The following PHACTR1 variants were observed in gnomAD, a reference collection of about 807,000 sequenced individuals.
PHACTR1 encodes RPEL repeat containing 1.
Under a neutral mutation model 69.2 loss-of-function variants are expected in PHACTR1, and 16 were observed. That is an observed-to-expected ratio of 0.23 (90% CI 0.16 to 0.35). PHACTR1 has a LOEUF of 0.35. Ranked by LOEUF, PHACTR1 falls within the 10% of genes least tolerant of loss-of-function variation. The probability of loss-of-function intolerance (pLI) is 1.00; values close to 1 mark genes in which losing one functional copy is unlikely to be tolerated. For synonymous variants in PHACTR1, 312 were observed against 284.5 expected (o/e 1.10, Z -0.97); for missense variants, 510 against 734.7 (o/e 0.69, Z 3.54).
At chr6:13,003,484 G>A (rs1156325080) in intron 4 of PHACTR1, among the ~76,000 whole-genome samples, 1 of 152,092 alleles carries the variant, frequency 6.6e-6, no homozygotes, top group Non-Finnish European at 1.5e-5. Context: ...AGTGTAAATA[G>A]ATAGATGGAT....
intron 4 of PHACTR1, among the ~76,000 whole-genome samples, chr6:13,018,957 T>A (rs1800563975): frequency 1.3e-5 from 2 of 152,144 alleles, no homozygotes; most frequent in South Asian, 4.2e-4. Context: ...TGGTTCAGGC[T>A]ATCCTCCCAC....
chr6:12,933,558 TG>T, intron 4 of PHACTR1: 1 of 1,578,170 alleles, frequency 6.3e-7, no homozygotes, highest in South Asian at 1.2e-5. Flanking sequence ...CTCGCCAGGG[TG>T]ATTCTTCTTG....
intron 4 of PHACTR1, among the ~76,000 whole-genome samples, chr6:12,784,486 A>G (rs1235978670): frequency 6.6e-6 from 1 of 151,372 alleles, no homozygotes; most frequent in Admixed American, 6.6e-5. Flanking sequence ...ACACATATAC[A>G]TATACACACA....
intron 5 of PHACTR1, among the ~76,000 whole-genome samples, chr6:13,142,384 G>T (rs1409445064): frequency 6.6e-6 from 1 of 152,180 alleles, no homozygotes; most frequent in African/African-American, 2.4e-5. Context: ...GATTACAGGT[G>T]TGAGCCACCG....
intron 5 of PHACTR1, among the ~76,000 whole-genome samples, chr6:13,080,872 A>C (rs1811271814): frequency 6.6e-6 from 1 of 152,184 alleles, no homozygotes; most frequent in Admixed American, 6.5e-5. Context: ...GTAAAAGAAA[A>C]AAAAAGTTTT....
At chr6:13,154,705 C>T (rs965390897) in intron 5 of PHACTR1, among the ~76,000 whole-genome samples, 5 of 151,842 alleles carry the variant, frequency 3.3e-5, no homozygotes, top group African/African-American at 9.7e-5. Context: ...ACCCTCACAC[C>T]TCGGTTCTCA....
chr6:12,777,241 A>ATT (rs57971928), intron 4 of PHACTR1, among the ~76,000 whole-genome samples: 7,333 of 134,068 alleles, frequency 0.055, 258 homozygotes, highest in Admixed American at 0.086. Context: ...ATATATATAT[A>ATT]TTTTTTTAAT....
At chr6:12,903,663 T>A (rs1157341375) in intron 4 of PHACTR1, among the ~76,000 whole-genome samples, 3 of 152,208 alleles carry the variant, frequency 2.0e-5, no homozygotes, top group Non-Finnish European at 4.4e-5. Flanking sequence ...ATGAGTAAAA[T>A]GGGACTTTAA....
chr6:12,990,349 C>A (rs897106662), intron 4 of PHACTR1, among the ~76,000 whole-genome samples: 4 of 152,212 alleles, frequency 2.6e-5, no homozygotes, highest in African/African-American at 9.6e-5. Context: ...GCCTTGGGCC[C>A]TGTTGAGACT....
chr6:12,717,125 T>C (rs966934976), intron 1 of PHACTR1, among the ~76,000 whole-genome samples: 7 of 152,114 alleles, frequency 4.6e-5, no homozygotes, highest in Non-Finnish European at 1.0e-4. Context: ...CTGTTCTGTG[T>C]ATTAATTATA....
chr6:13,255,722 A>G (rs1775091373), intron 10 of PHACTR1, among the ~76,000 whole-genome samples: 1 of 152,232 alleles, frequency 6.6e-6, no homozygotes, highest in East Asian at 1.9e-4. Flanking sequence ...TTTTGACTCC[A>G]TGTCCCACAT....
In PHACTR1 at chr6:12,957,255, CAAAA is replaced by C. The variant is rs35500368; in HGVS notation, c.251-96093_251-96090del. The C allele has an allele frequency of 7.8e-3, 2,117 of 271,802 alleles. 33 individuals carry two copies. Among genetic ancestry groups the C allele is most frequent in the African/African-American group, 0.058 (1,783 of 30,676 alleles). 16.8% of individuals were successfully genotyped at this position (271,802 alleles called of 1,614,324 possible). On this transcript the variant is annotated intron_variant, in intron 4 of 14. Transcript: ENST00000332995. ...CATGTTAAAAAGCTCAACAAATACT[CAAAA>C]AAAAAAAAAAAAAAAAGCCCAGGCT...
rs1221131715 is a variant in PHACTR1, at chr6:12,749,800, C to T, written c.250+10C>T. 3.2e-6 allele frequency: 5 copies of T among 1,579,622 alleles called. No homozygotes were observed. Among genetic ancestry groups the T allele is most frequent in the Non-Finnish European group, 3.4e-6 (4 of 1,163,586 alleles). ...TTTAACCTGGGGGCAGGTAAGAACG[C>T]CCCTGGCGCCGCGCCCCCGCCCCCG... On this transcript the variant is annotated intron_variant, in intron 4 of 14. Transcript: ENST00000332995.
chr6:12,821,049 G>T (rs1461860086), intron 4 of PHACTR1, among the ~76,000 whole-genome samples: 1 of 152,112 alleles, frequency 6.6e-6, no homozygotes, highest in Admixed American at 6.5e-5. Context: ...TTTCAGGAAG[G>T]ACCTTTAGTT....
chr6:12,757,675 A>T (rs992959158), intron 4 of PHACTR1, among the ~76,000 whole-genome samples: 1 of 152,156 alleles, frequency 6.6e-6, no homozygotes, highest in African/African-American at 2.4e-5. Context: ...TGAGAGGAGA[A>T]GAGCAAGCAG....
At chr6:13,082,549 T>C (rs776915344) in intron 5 of PHACTR1, among the ~76,000 whole-genome samples, 1 of 152,192 alleles carries the variant, frequency 6.6e-6, no homozygotes, top group Non-Finnish European at 1.5e-5. Context: ...GTTGAACTAG[T>C]TTACAGTCCC....
At chr6:12,752,316 C>G (rs1394329986) in intron 4 of PHACTR1, among the ~76,000 whole-genome samples, 1 of 152,184 alleles carries the variant, frequency 6.6e-6, no homozygotes, top group Admixed American at 6.5e-5. Flanking sequence ...ATCAGCATTG[C>G]TGAACAGAGA....
intron 6 of PHACTR1, among the ~76,000 whole-genome samples, chr6:13,178,298 G>C (rs1231175873): frequency 2.0e-5 from 3 of 152,124 alleles, no homozygotes; most frequent in Admixed American, 2.0e-4. Context: ...ACAACTTCCT[G>C]CTTCCTCATG....
intron 4 of PHACTR1, among the ~76,000 whole-genome samples, chr6:13,017,453 T>G (rs1449931919): frequency 1.3e-5 from 2 of 152,174 alleles, no homozygotes; most frequent in South Asian, 4.1e-4. Flanking sequence ...CCTCCTTACC[T>G]ACTTGATAGA....
Sources: allele counts gnomAD v4.1 joint callset (sites outside exome capture counted in the v4.1 genomes callset), GRCh38; gene constraint gnomAD v4.1.1; transcripts MANE v1.5; gene names NCBI Gene and HGNC (gene_info 2026-07-23, HGNC 2026-07-21).